The following LASP1 variants were observed in gnomAD, a reference collection of about 807,000 sequenced individuals.
The protein encoded by LASP1 is LIM and SH3 domain protein 1.
A neutral mutation model predicts 38.6 loss-of-function variants in LASP1; 10 were observed. The ratio of observed to expected loss-of-function variants is 0.26; its 90% CI spans 0.16 to 0.44. The LOEUF (loss-of-function observed/expected upper bound fraction) is 0.44. Ranked by LOEUF, LASP1 falls within the 20% of genes least tolerant of loss-of-function variation. The probability of loss-of-function intolerance (pLI) is 1.00; values close to 1 mark genes in which losing one functional copy is unlikely to be tolerated. For synonymous variants in LASP1, 132 were observed against 140.8 expected (o/e 0.94, Z 0.44); for missense variants, 243 against 375.7 (o/e 0.65, Z 2.92).
intron 2 of LASP1, among the ~76,000 whole-genome samples, chr17:38,887,871 G>A (rs115230982): frequency 6.6e-6 from 1 of 152,226 alleles, no homozygotes; most frequent in Non-Finnish European, 1.5e-5. Context: ...GCACGGCCAT[G>A]TGGGCGGCAG....
In LASP1 at chr17:38,918,504, C is replaced by CAGAAATGGAG; in HGVS notation, c.613-101_613-100insAGAAATGGAG. ...GTGCTCCATTTCTGAGTTCACTGCT[C>CAGAAATGGAG]CCCCAGGCTCTGCTCCAGGGTCGTG... On this transcript the variant is annotated intron_variant, in intron 6 of 6. Transcript: ENST00000318008. This position sits in a 1 kb window ranked among gnomAD's most constrained non-coding sequence, Gnocchi z 4.4. The CAGAAATGGAG allele has an allele frequency of 8.5e-7, 1 of 1,176,842 alleles. No individual in the cohort carries two copies. Among genetic ancestry groups the CAGAAATGGAG allele is most frequent in the Non-Finnish European group, 1.2e-6 (1 of 834,714 alleles). 72.9% of individuals were successfully genotyped at this position (1,176,842 alleles called of 1,614,324 possible). A position where few individuals can be genotyped will look rare whatever the true frequency, so the allele number is the denominator to read the frequency against.
In LASP1 at chr17:38,892,959, ATGTGTG is replaced by A. The variant is rs143191073; in HGVS notation, c.249+2464_249+2469del. On this transcript the variant is annotated intron_variant, in intron 3 of 6. Coordinates refer to ENST00000318008, the MANE Select transcript of LASP1 (RefSeq NM_006148.4). Reference sequence around the variant, plus strand: ...AGGGCCAGAGCGTGTCCGTGTGTGTATGTGTGTGTGTGTGCGTGTGCACGCATGCAC... The same window carrying A: ...AGGGCCAGAGCGTGTCCGTGTGTGTATGTGTGTGCGTGTGCACGCATGCAC... 2.6e-5 allele frequency among the ~76,000 whole-genome samples: 4 copies of A among 151,370 alleles called. No homozygotes were observed. The South Asian group carries it at 8.4e-4, about 32-fold the overall frequency.
In LASP1 at chr17:38,918,798, G is replaced by A. The variant is rs1417954826; in HGVS notation, c.*20G>A. 3.1e-6 allele frequency: 5 copies of A among 1,612,352 alleles called. No individual in the cohort carries two copies. Among genetic ancestry groups the A allele is most frequent in the East Asian group, 4.5e-5 (2 of 44,854 alleles). Reference sequence around the variant, plus strand: ...ATCTGAACCCGCAGCGCCCCCATCTGTCTTCAGCACATTCCACGGCATCGC... The same window carrying A: ...ATCTGAACCCGCAGCGCCCCCATCTATCTTCAGCACATTCCACGGCATCGC... On this transcript the variant is annotated 3_prime_UTR_variant, in exon 7 of 7. Transcript: ENST00000318008. This position sits in a 1 kb window ranked among gnomAD's most constrained non-coding sequence, Gnocchi z 4.4.
intron 2 of LASP1, among the ~76,000 whole-genome samples, chr17:38,886,158 C>G (rs1024167430): frequency 6.6e-6 from 1 of 151,980 alleles, no homozygotes; most frequent in Non-Finnish European, 1.5e-5. Context: ...CTGTCTCGCT[C>G]TCGCTCTCTC....
intron 3 of LASP1, chr17:38,897,018 A>C: frequency 1.0e-6 from 1 of 985,394 alleles, no homozygotes; most frequent in Non-Finnish European, 1.2e-6. Context: ...GCCTCCCACT[A>C]AGAGTCACCG....
At position 38,914,414 on chromosome 17, in the gene LASP1, CAG is replaced by C. The variant is rs1453814535; in HGVS notation, c.448_449del (p.Ser150GlnfsTer62). ...EPERRDSQDG[S>X]SYRRPLEQQQ... ...CAGAGCGTCGGGATTCACAGGACGG[CAG>C]CAGCTACCGGCGGCCCCTGGAGCAG... On this transcript the variant is annotated frameshift_variant, in exon 5 of 7. Coordinates refer to ENST00000318008, the MANE Select transcript of LASP1 (RefSeq NM_006148.4). LOFTEE classifies it high-confidence loss of function. 1 of 1,611,726 alleles carries C rather than the reference CAG, an allele frequency of 6.2e-7. No individual in the cohort carries two copies. Among genetic ancestry groups the C allele is most frequent in the East Asian group, 2.2e-5 (1 of 44,886 alleles).
intron 2 of LASP1, among the ~76,000 whole-genome samples, chr17:38,889,389 C>T (rs1914237844): frequency 6.6e-6 from 1 of 152,146 alleles, no homozygotes; most frequent in Non-Finnish European, 1.5e-5. Flanking sequence ...CTCGGCCTCC[C>T]AAAGTGCTGG....
At chr17:38,904,088 A>G (rs1047416394) in intron 4 of LASP1, 1 of 152,228 alleles carries the variant, frequency 6.6e-6, no homozygotes, top group African/African-American at 2.4e-5. Flanking sequence ...AATATGACAC[A>G]TAGTAACATA....
intron 6 of LASP1, 134 bp downstream of exon 6, chr17:38,915,280 G>A: frequency 1.4e-6 from 1 of 713,246 alleles, no homozygotes; most frequent in Non-Finnish European, 2.3e-6. Context: ...TCAGCCTTGT[G>A]AGCAGAGAGG....
At chr17:38,890,385 A>G in intron 2 of LASP1, 35 bp from the exon 3 acceptor site, 4 of 1,598,496 alleles carry the variant, frequency 2.5e-6, no homozygotes, top group Non-Finnish European at 3.4e-6. Flanking sequence ...CCCCTCCCCC[A>G]GAGTCACCCC....
Position 38,920,278 on chromosome 17 carries a change from C to A in LASP1, c.*1500C>A, listed in dbSNP as rs1389111071. ...AGAAGTGTCACCCTGTGGGTGTCTC[C>A]CTCGGGGGCTCTTCCCCTAGACCTC... On this transcript the variant is annotated 3_prime_UTR_variant, in exon 7 of 7. Coordinates refer to ENST00000318008, the MANE Select transcript of LASP1 (RefSeq NM_006148.4). 2.4e-6 allele frequency: 1 copy of A among 416,188 alleles called. No homozygotes were observed. Among genetic ancestry groups the A allele is most frequent in the African/African-American group, 2.0e-5 (1 of 50,512 alleles). 25.8% of individuals were successfully genotyped at this position (416,188 alleles called of 1,614,324 possible).
intron 4 of LASP1, among the ~76,000 whole-genome samples, chr17:38,906,732 AG>A (rs888177344): frequency 3.9e-5 from 6 of 152,216 alleles, no homozygotes; most frequent in Admixed American, 2.6e-4. Flanking sequence ...TTGGGAGAGC[AG>A]GGGGGTCAGA....
At chr17:38,912,103 G>A (rs655565) in intron 4 of LASP1, among the ~76,000 whole-genome samples, 105,462 of 152,124 alleles carry the variant, frequency 0.69, 37,430 homozygotes, top group African/African-American at 0.85. Flanking sequence ...CTCACCACCC[G>A]CCTTTCTTGT....
At chr17:38,901,922 C>G (rs1914651425) in intron 4 of LASP1, among the ~76,000 whole-genome samples, 1 of 152,020 alleles carries the variant, frequency 6.6e-6, no homozygotes, top group Non-Finnish European at 1.5e-5. Flanking sequence ...CCCGCCACCA[C>G]GCCCGGCTAA....
At chr17:38,891,178 A>G (rs1019825722) in intron 3 of LASP1, among the ~76,000 whole-genome samples, 1 of 151,878 alleles carries the variant, frequency 6.6e-6, no homozygotes, top group South Asian at 2.1e-4. Flanking sequence ...CTCCTGGGAC[A>G]AACCTGGCCA....
At chr17:38,892,638 C>CA (rs1484463652) in intron 3 of LASP1, among the ~76,000 whole-genome samples, 2 of 152,120 alleles carry the variant, frequency 1.3e-5, no homozygotes, top group Non-Finnish European at 2.9e-5. Context: ...GTCAGTTCCA[C>CA]AAAAGCGTGG....
At chr17:38,893,029 A>G (rs1206683605) in intron 3 of LASP1, among the ~76,000 whole-genome samples, 5 of 152,178 alleles carry the variant, frequency 3.3e-5, no homozygotes, top group Non-Finnish European at 7.4e-5. Context: ...GCATGCACGC[A>G]TGTATGCGTG....
intron 1 of LASP1, among the ~76,000 whole-genome samples, chr17:38,875,089 GAGAA>G (rs1913727064): frequency 9.0e-6 from 1 of 111,426 alleles, no homozygotes; most frequent in African/African-American, 3.2e-5. Flanking sequence ...GTGTGTGTGT[GAGAA>G]AGTGGGTCAT....
chr17:38,915,489 C>T (rs1915096103), intron 6 of LASP1: 2 of 189,196 alleles, frequency 1.1e-5, no homozygotes, highest in South Asian at 2.5e-4. Flanking sequence ...GGATGGCCCC[C>T]ACATCCTTCA....
Sources: gnomAD v4.1 joint callset for allele counts (sites outside exome capture counted in the v4.1 genomes callset) on GRCh38, gnomAD v4.1.1 for gene constraint, Gnocchi (gnomAD v3.1) non-coding constraint, MANE v1.5 for transcripts, NCBI Gene and HGNC (gene_info 2026-07-23, HGNC 2026-07-21) for gene names.